ACKR2: variants seen among roughly 807,000 people sequenced by gnomAD.
ACKR2 encodes the protein C-C chemokine receptor D6.
For synonymous variants in ACKR2, 207 were observed against 192.2 expected (o/e 1.08, Z -0.64); for missense variants, 457 against 477.3 (o/e 0.96, Z 0.40).
chr3:42,843,253 T>C (rs186576585), intron 2 of ACKR2, among the ~76,000 whole-genome samples: 1 of 151,730 alleles, frequency 6.6e-6, no homozygotes, highest in East Asian at 2.0e-4. Context: ...GTATTTTTAG[T>C]AGAGACGGGA....
intron 2 of ACKR2, among the ~76,000 whole-genome samples, chr3:42,843,073 T>C (rs1701057090): frequency 6.7e-6 from 1 of 148,374 alleles, no homozygotes; most frequent in Non-Finnish European, 1.5e-5. Flanking sequence ...TATTTATTTA[T>C]TATTCATTAT....
intron 2 of ACKR2, among the ~76,000 whole-genome samples, chr3:42,834,376 C>CT (rs1381692778): frequency 1.3e-5 from 2 of 151,756 alleles, no homozygotes; most frequent in African/African-American, 4.8e-5. Context: ...TGTGTGTTTT[C>CT]TTTTTTTTCG....
chr3:42,865,650 C>A lies in ACKR2; in HGVS notation c.1148C>A (p.Ser383Ter). The A allele has an allele frequency of 6.2e-7, 1 of 1,604,592 alleles. No homozygotes were observed. Among genetic ancestry groups the A allele is most frequent in the South Asian group, 1.1e-5 (1 of 89,332 alleles). Residue 383 changes from serine (S) to a stop codon, truncating the protein, a stop_gained, in exon 3 of 3, where the codon TCA (serine) becomes TAA (stop). Transcript: ENST00000422265. LOFTEE classifies it high-confidence loss of function. ...AACAAGGAGGATGTGGGGAATAAAT[C>A]AGCCTGAGTGACCAAATTTTGGTCT... ...YPNKEDVGNK[S>*]A is the part of the protein sequence containing the mutation.
intron 2 of ACKR2, among the ~76,000 whole-genome samples, chr3:42,828,203 G>C (rs2125607529): frequency 6.6e-6 from 1 of 151,246 alleles, no homozygotes; most frequent in African/African-American, 2.4e-5. Context: ...TCTGCCTCCA[G>C]GGTTCAAGTG....
intron 2 of ACKR2, among the ~76,000 whole-genome samples, chr3:42,845,866 GAAAAAAGA>G (rs1269378594): frequency 4.6e-4 from 66 of 142,962 alleles, no homozygotes; most frequent in South Asian, 3.5e-3. Context: ...AAAAAAAAAA[GAAAAAAGA>G]AAAAAAGAAA....
chr3:42,865,935 C>T lies in ACKR2; in HGVS notation c.*278C>T, dbSNP rs1200068607. 5.1e-6 allele frequency: 2 copies of T among 393,578 alleles called. No individual in the cohort carries two copies. The highest frequency in any genetic ancestry group is 9.5e-6 in the Non-Finnish European group (2 of 211,496). The allele number at this position is 393,578 out of a possible 1,614,324, so 24.4% of individuals were successfully genotyped here. ...CCTTCCCTCTCTCCCTCCCTCCCTC[C>T]CTCGCTTCTTCCCTTCCTCCTTTCC... On this transcript the variant is annotated 3_prime_UTR_variant, in exon 3 of 3. Coordinates refer to ENST00000422265, the MANE Select transcript of ACKR2 (RefSeq NM_001296.5).
chr3:42,826,787 C>G (rs1314846828), intron 2 of ACKR2, among the ~76,000 whole-genome samples: 1 of 152,036 alleles, frequency 6.6e-6, no homozygotes, highest in Non-Finnish European at 1.5e-5. Flanking sequence ...GTTTAGTTTG[C>G]CCTTCTTTTT....
At chr3:42,849,811 C>T (rs1219031506) in intron 2 of ACKR2, among the ~76,000 whole-genome samples, 1 of 152,114 alleles carries the variant, frequency 6.6e-6, no homozygotes, top group Non-Finnish European at 1.5e-5. Flanking sequence ...GGTTACAGTT[C>T]ATTATGTGTG....
intron 2 of ACKR2, among the ~76,000 whole-genome samples, chr3:42,850,451 C>T (rs1225790783): frequency 6.6e-6 from 1 of 152,172 alleles, no homozygotes; most frequent in Non-Finnish European, 1.5e-5. Context: ...GGTCCAAGCC[C>T]AGCTGTGTGT....
chr3:42,839,174 C>T (rs1034774706), intron 2 of ACKR2: 3 of 152,100 alleles, frequency 2.0e-5, no homozygotes, highest in South Asian at 4.2e-4. Flanking sequence ...AGGGATCCTT[C>T]ATCCTGGACG....
intron 2 of ACKR2, among the ~76,000 whole-genome samples, chr3:42,831,258 GAA>G (rs1700929160): frequency 1.3e-5 from 2 of 152,168 alleles, no homozygotes; most frequent in African/African-American, 4.8e-5. Context: ...TCTTTTCAGT[GAA>G]AAGTCTCTTA....
intron 2 of ACKR2, among the ~76,000 whole-genome samples, chr3:42,861,925 T>C (rs1006640612): frequency 5.9e-5 from 9 of 152,214 alleles, no homozygotes; most frequent in African/African-American, 2.2e-4. Context: ...GGGCAGAATC[T>C]GGAAGCATTC....
At chr3:42,860,163 G>GAAAAAAAAA (rs2088367013) in intron 2 of ACKR2, among the ~76,000 whole-genome samples, 2 of 4,930 alleles carry the variant, frequency 4.1e-4, no homozygotes, top group African/African-American at 1.4e-3. Context: ...CAAATGGAAA[G>GAAAAAAAAA]CAAAAAAAAA....
chr3:42,859,528 G>A lies in ACKR2; in HGVS notation c.-37-4938G>A, dbSNP rs1361206183. Among the ~76,000 whole-genome samples the A allele has an allele frequency of 9.9e-5, 15 of 152,084 alleles. 1 individual carries two copies. The highest frequency in any genetic ancestry group is 2.9e-5 in the Non-Finnish European group (2 of 67,988). On this transcript the variant is annotated intron_variant, in intron 2 of 2. Transcript: ENST00000422265. The stretch of plus-strand genomic sequence containing the variant: ...TGAGTGGCTGGGACTAGAGGCGCCC[G>A]CCACCATGCCCAGCTAATTTTTTTT...
At chr3:42,820,386 G>A (rs1013999891) in intron 2 of ACKR2, among the ~76,000 whole-genome samples, 3 of 151,980 alleles carry the variant, frequency 2.0e-5, no homozygotes, top group Non-Finnish European at 2.9e-5. Context: ...GAGGTCAGGA[G>A]ATCGAGACCA....
chr3:42,865,111 G>A lies in ACKR2; in HGVS notation c.609G>A (p.Gly203=). 1 of 1,614,034 alleles carries A rather than the reference G, an allele frequency of 6.2e-7. No homozygotes were observed. The highest frequency in any genetic ancestry group is 8.5e-7 in the Non-Finnish European group (1 of 1,180,004). The change falls in exon 3 of 3, where the codon GGG becomes GGA. Residue 203 remains glycine, a synonymous_variant. Coordinates refer to ENST00000422265, the MANE Select transcript of ACKR2 (RefSeq NM_001296.5). ...WNCHADFGGH[G]TIWKLFLRFQ... Reference sequence around the variant, plus strand: ...GCCACGCAGATTTCGGCGGGCATGGGACCATTTGGAAGCTCTTCCTCCGCT... The same window carrying A: ...GCCACGCAGATTTCGGCGGGCATGGAACCATTTGGAAGCTCTTCCTCCGCT...
At position 42,865,103 on chromosome 3, in the gene ACKR2, G is replaced by A. The variant is rs368758367; in HGVS notation, c.601G>A (p.Gly201Arg). 5.5e-5 allele frequency: 88 copies of A among 1,613,844 alleles called. No individual in the cohort carries two copies. In the Middle Eastern group the frequency reaches 8.2e-4, roughly 15 times the overall value. The part of the protein sequence containing the change: ...GVWNCHADFG[G>R]HGTIWKLFLR... ...GTGGAACTGCCACGCAGATTTCGGC[G>A]GGCATGGGACCATTTGGAAGCTCTT... Residue 201 changes from glycine to arginine, a missense_variant, in exon 3 of 3, where the codon GGG (glycine) becomes AGG (arginine). Gly to Arg is a moderately radical substitution (Grantham distance 125). Coordinates refer to ENST00000422265, the MANE Select transcript of ACKR2 (RefSeq NM_001296.5).
At chr3:42,859,466 C>T (rs2088357841) in intron 2 of ACKR2, among the ~76,000 whole-genome samples, 1 of 151,868 alleles carries the variant, frequency 6.6e-6, no homozygotes. Flanking sequence ...GCAAGCTCCA[C>T]CTCCTGGGTT....
chr3:42,851,933 A>C (rs1701165354), intron 2 of ACKR2, among the ~76,000 whole-genome samples: 1 of 152,132 alleles, frequency 6.6e-6, no homozygotes, highest in African/African-American at 2.4e-5. Flanking sequence ...CCTTCTGCCC[A>C]AAACAGTTCC....
Sources: gnomAD v4.1 joint callset for allele counts (sites outside exome capture counted in the v4.1 genomes callset) on GRCh38, gnomAD v4.1.1 for gene constraint, MANE v1.5 for transcripts, NCBI Gene and HGNC (gene_info 2026-07-23, HGNC 2026-07-21) for gene names.